The following ADCY2 variants were observed in gnomAD, a reference collection of about 807,000 sequenced individuals.
ADCY2 encodes adenylate cyclase 2, also known as adenylate cyclase type 2.
In ADCY2, 31 loss-of-function variants were observed where a neutral mutation model predicts 125.2. The ratio of observed to expected loss-of-function variants is 0.25; its 90% CI spans 0.19 to 0.33. The LOEUF (loss-of-function observed/expected upper bound fraction) is 0.33. Among genes scored for constraint, ADCY2 ranks in the 10% least tolerant of loss-of-function variants. The pLI, the probability that ADCY2 is intolerant of heterozygous loss-of-function variation, is 1.00. For synonymous variants in ADCY2, 512 were observed against 548.4 expected (o/e 0.93, Z 0.93); for missense variants, 904 against 1,418.2 (o/e 0.64, Z 5.82).
At chr5:7,402,108 C>A (rs1739287294) in intron 1 of ADCY2, among the ~76,000 whole-genome samples, 1 of 152,214 alleles carries the variant, frequency 6.6e-6, no homozygotes. Flanking sequence ...TGCTCTAGGG[C>A]AAGCTATCAT....
At chr5:7,560,056 T>C (rs1735660384) in intron 3 of ADCY2, among the ~76,000 whole-genome samples, 1 of 152,204 alleles carries the variant, frequency 6.6e-6, no homozygotes, top group South Asian at 2.1e-4. Flanking sequence ...AGAGCATTAA[T>C]CAGAGATTGA....
Position 7,481,796 on chromosome 5 carries a change from G to A in ADCY2, c.409-38942G>A, listed in dbSNP as rs750684115. 3.4e-5 allele frequency among the ~76,000 whole-genome samples: 5 copies of A among 145,478 alleles called. No individual in the cohort carries two copies. In the South Asian group the frequency reaches 1.1e-3, roughly 32 times the overall value. On this transcript the variant is annotated intron_variant, in intron 2 of 24. Transcript: ENST00000338316. The stretch of plus-strand genomic sequence containing the variant: ...TTTGTGTGTGTGTGTGTGTGTGTGT[G>A]CAGAAGCTTTTTAACTTGATGTAAT...
chr5:7,437,747 A>T (rs1419072397), intron 2 of ADCY2, among the ~76,000 whole-genome samples: 2 of 152,212 alleles, frequency 1.3e-5, no homozygotes. Context: ...TACCAATGGG[A>T]TCTAGGCTGC....
chr5:7,490,377 C>A (rs1743116659), intron 2 of ADCY2, among the ~76,000 whole-genome samples: 1 of 152,104 alleles, frequency 6.6e-6, no homozygotes, highest in Admixed American at 6.6e-5. Context: ...CTCACCCACT[C>A]ATGACCCCTG....
At chr5:7,825,810 A>G (rs913554241) in intron 24 of ADCY2, among the ~76,000 whole-genome samples, 2 of 152,224 alleles carry the variant, frequency 1.3e-5, no homozygotes, top group Non-Finnish European at 1.5e-5. Flanking sequence ...AGTCCCAGAC[A>G]GGGTGTCCTA....
chr5:7,792,172 G>A (rs543021134), intron 20 of ADCY2, among the ~76,000 whole-genome samples: 52 of 134,510 alleles, frequency 3.9e-4, no homozygotes, highest in African/African-American at 1.4e-3. Context: ...AGGAGTTCAA[G>A]ACCAGCCTGG....
chr5:7,715,819 A>T (rs1347730978), intron 11 of ADCY2, among the ~76,000 whole-genome samples: 1 of 152,232 alleles, frequency 6.6e-6, no homozygotes. Context: ...AATTACAGAT[A>T]AATGAGACTT....
chr5:7,433,414 TTG>T (rs145258766), intron 2 of ADCY2, among the ~76,000 whole-genome samples: 27 of 151,412 alleles, frequency 1.8e-4, no homozygotes, highest in African/African-American at 4.4e-4. Flanking sequence ...CATACATGGT[TTG>T]TGTGTGTGTG....
intron 3 of ADCY2, among the ~76,000 whole-genome samples, chr5:7,589,470 G>GA (rs1554022186): frequency 2.3e-5 from 1 of 44,306 alleles, no homozygotes; most frequent in African/African-American, 5.6e-5. Flanking sequence ...AAGAAAGAAA[G>GA]AAAGAAAGAA....
chr5:7,808,274 C>T (rs982032393), intron 22 of ADCY2, among the ~76,000 whole-genome samples: 5 of 152,200 alleles, frequency 3.3e-5, no homozygotes, highest in Admixed American at 2.0e-4. Flanking sequence ...CAGACTATAA[C>T]AGGTGCTATG....
intron 22 of ADCY2, among the ~76,000 whole-genome samples, chr5:7,807,812 A>G (rs1374919325): frequency 6.6e-6 from 1 of 151,974 alleles, no homozygotes; most frequent in Non-Finnish European, 1.5e-5. Flanking sequence ...GCCCTGACCC[A>G]TCCCCTACCT....
intron 15 of ADCY2, among the ~76,000 whole-genome samples, chr5:7,750,340 C>T (rs1184864281): frequency 6.6e-6 from 1 of 152,092 alleles, no homozygotes; most frequent in East Asian, 1.9e-4. Context: ...ATAATATCTC[C>T]ACTTTCTTGT....
At chr5:7,554,317 A>G (rs1337552601) in intron 3 of ADCY2, among the ~76,000 whole-genome samples, 1 of 152,252 alleles carries the variant, frequency 6.6e-6, no homozygotes, top group South Asian at 2.1e-4. Context: ...CTTTTGTCCC[A>G]CATGAGAGAA....
intron 3 of ADCY2, among the ~76,000 whole-genome samples, chr5:7,603,784 C>CT: frequency 0.18 from 11,045 of 63,016 alleles, 1,305 homozygotes; most frequent in South Asian, 0.27. Context: ...TGCTCTCTTT[C>CT]TTTTTTTTTT....
chr5:7,497,491 G>A (rs7711194), intron 2 of ADCY2, among the ~76,000 whole-genome samples: 2 of 152,108 alleles, frequency 1.3e-5, no homozygotes, highest in African/African-American at 4.8e-5. Context: ...TCTAGTGTCA[G>A]TAATATCTAG....
chr5:7,630,140 GCTTTCTGGCTGTAGT>G (rs942249882), intron 4 of ADCY2, among the ~76,000 whole-genome samples: 26 of 152,156 alleles, frequency 1.7e-4, no homozygotes, highest in Admixed American at 4.6e-4. Flanking sequence ...GGGGATTCTG[GCTTTCTGGCTGTAGT>G]CTTTCTGGCT....
chr5:7,721,116 T>G (rs375725958), intron 12 of ADCY2, among the ~76,000 whole-genome samples: 5 of 152,136 alleles, frequency 3.3e-5, no homozygotes, highest in Non-Finnish European at 5.9e-5. Context: ...ATATCTCATT[T>G]TGGTTTTGAT....
chr5:7,564,352 T>C (rs1470056202), intron 3 of ADCY2, among the ~76,000 whole-genome samples: 1 of 152,210 alleles, frequency 6.6e-6, no homozygotes, highest in Non-Finnish European at 1.5e-5. Flanking sequence ...GTAATGTACT[T>C]ACTGAGAAGT....
At chr5:7,472,497 T>C (rs576671124) in intron 2 of ADCY2, among the ~76,000 whole-genome samples, 62 of 151,574 alleles carry the variant, frequency 4.1e-4, no homozygotes, top group African/African-American at 1.2e-3. Context: ...TAATATATGA[T>C]GCAAGGGAAA....
Sources: allele counts gnomAD v4.1 joint callset (sites outside exome capture counted in the v4.1 genomes callset), GRCh38; gene constraint gnomAD v4.1.1; transcripts MANE v1.5; gene names NCBI Gene and HGNC (gene_info 2026-07-23, HGNC 2026-07-21).